TAB2: variants seen among roughly 807,000 people sequenced by gnomAD.
TAB2 encodes the protein TGF-beta activated kinase 1 (MAP3K7) binding protein 2.
Under a neutral mutation model 65.0 loss-of-function variants are expected in TAB2, and 3 were observed. The observed-to-expected ratio is 0.05, with a 90% confidence interval of 0.02 to 0.12. The LOEUF (loss-of-function observed/expected upper bound fraction) is 0.12. Ranked by LOEUF, TAB2 falls within the 10% of genes least tolerant of loss-of-function variation. The pLI, the probability that TAB2 is intolerant of heterozygous loss-of-function variation, is 1.00. For synonymous variants in TAB2, 298 were observed against 285.1 expected (o/e 1.05, Z -0.46); for missense variants, 623 against 840.3 (o/e 0.74, Z 3.20).
chr6:149,356,384 A>G (rs1382225706), intron 1 of TAB2, among the ~76,000 whole-genome samples: 3 of 152,218 alleles, frequency 2.0e-5, no homozygotes, highest in African/African-American at 2.4e-5. Context: ...TAAGATGATA[A>G]TCTTAGTTTA....
chr6:149,287,049 A>C (rs886267656), intron 1 of TAB2, among the ~76,000 whole-genome samples: 3 of 152,172 alleles, frequency 2.0e-5, no homozygotes, highest in Non-Finnish European at 4.4e-5. Flanking sequence ...CTCCGGAGGA[A>C]GAGTTTGCAG....
chr6:149,239,777 G>T (rs980234311), intron 1 of TAB2, among the ~76,000 whole-genome samples: 9 of 152,264 alleles, frequency 5.9e-5, no homozygotes, highest in South Asian at 2.1e-4. Flanking sequence ...ACCTATATGT[G>T]CCAGACACTG....
rs1778991115 is a variant in TAB2, at chr6:149,302,686, C to T, written c.-120-75332C>T. On this transcript the variant is annotated intron_variant, in intron 1 of 1. Coordinates refer to the TAB2 transcript ENST00000606202. ...GCTGAACTTTCTCTGCACTACATGG[C>T]AGTCTAGGATATTACCACTCACCTT... Among the ~76,000 whole-genome samples, 3 of 152,336 alleles carry T rather than the reference C, an allele frequency of 2.0e-5. No individual in the cohort carries two copies. In the Middle Eastern group the frequency reaches 0.01, roughly 518 times the overall value.
At chr6:149,317,291 C>A (rs1239255353), upstream of TAB2, among the ~76,000 whole-genome samples, 1 of 152,072 alleles carries the variant, frequency 6.6e-6, no homozygotes, top group Admixed American at 6.5e-5. The surrounding 1 kb of genome is among the most constrained non-coding windows in gnomAD (Gnocchi z 4.7). Context: ...CGCACCGGCA[C>A]CCCCCTCGCA....
chr6:149,307,611 T>C (rs1016039449), intron 1 of TAB2, among the ~76,000 whole-genome samples: 1 of 152,068 alleles, frequency 6.6e-6, no homozygotes, highest in African/African-American at 2.4e-5. Flanking sequence ...TATTTTATTA[T>C]TTACAAAGGT....
chr6:149,400,116 G>T, intron 6 of TAB2: 1 of 461,930 alleles, frequency 2.2e-6, no homozygotes, highest in Non-Finnish European at 3.8e-6. Context: ...TCACTTATTA[G>T]TAATTACCTT....
intron 5 of TAB2, among the ~76,000 whole-genome samples, chr6:149,398,581 C>T (rs1230509397): frequency 1.3e-5 from 2 of 152,036 alleles, no homozygotes; most frequent in African/African-American, 4.8e-5. Flanking sequence ...GTTGATTAAG[C>T]TATTTATCTT....
intron 1 of TAB2, among the ~76,000 whole-genome samples, chr6:149,332,090 G>A (rs973254694): frequency 6.6e-6 from 1 of 152,166 alleles, no homozygotes; most frequent in Admixed American, 6.6e-5. Context: ...CAAGCAATTG[G>A]AAGTATGGAG....
intron 1 of TAB2, among the ~76,000 whole-genome samples, chr6:149,301,974 A>G (rs1284835506): frequency 6.6e-6 from 1 of 152,154 alleles, no homozygotes; most frequent in Non-Finnish European, 1.5e-5. Flanking sequence ...GTGAAGAGTT[A>G]TTATAAAATT....
intron 1 of TAB2, among the ~76,000 whole-genome samples, chr6:149,348,572 A>G (rs947463678): frequency 6.6e-6 from 1 of 151,948 alleles, no homozygotes; most frequent in African/African-American, 2.4e-5. Context: ...AAATATCACC[A>G]TGCTATGCAA....
chr6:149,237,668 T>C (rs1439644284), intron 1 of TAB2, among the ~76,000 whole-genome samples: 1 of 152,168 alleles, frequency 6.6e-6, no homozygotes, highest in Non-Finnish European at 1.5e-5. Flanking sequence ...TGGCAGCTAC[T>C]ACTTCCTAGA....
chr6:149,288,009 T>C (rs1348772926), intron 1 of TAB2, among the ~76,000 whole-genome samples: 1 of 152,216 alleles, frequency 6.6e-6, no homozygotes, highest in Non-Finnish European at 1.5e-5. Context: ...TAAATTACGC[T>C]TATGATTTGT....
Position 149,379,511 on chromosome 6 carries a change from C to T in TAB2, c.1596C>T (p.Tyr532=). 2 of 1,614,082 alleles carry T rather than the reference C, an allele frequency of 1.2e-6. No homozygotes were observed. Among genetic ancestry groups the T allele is most frequent in the Non-Finnish European group, 1.7e-6 (2 of 1,179,986 alleles). The part of the protein sequence containing the change: ...KLSMGSDDAA[Y]TQALLVHQKA... ...GTATGGGATCTGATGATGCTGCCTA[C>T]ACACAAGGTAATATGAATACTAAAG... Residue 532 remains tyrosine, a synonymous_variant, in exon 3 of 7, where the codon TAC becomes TAT. Transcript: ENST00000637181.
At chr6:149,374,696 C>T (rs1333579045) in intron 2 of TAB2, among the ~76,000 whole-genome samples, 3 of 152,232 alleles carry the variant, frequency 2.0e-5, no homozygotes, top group Non-Finnish European at 4.4e-5. Context: ...ATTGCTGTGT[C>T]TCCTTGTATG....
chr6:149,262,888 C>T (rs1403954537), intron 1 of TAB2, among the ~76,000 whole-genome samples: 1 of 152,074 alleles, frequency 6.6e-6, no homozygotes, highest in Non-Finnish European at 1.5e-5. Flanking sequence ...ACTGTGACCT[C>T]AAACTCCTGG....
At chr6:149,280,042 A>C (rs1778544818) in intron 1 of TAB2, among the ~76,000 whole-genome samples, 2 of 152,150 alleles carry the variant, frequency 1.3e-5, no homozygotes, top group Admixed American at 1.3e-4. Flanking sequence ...ATTATTGTAC[A>C]TCTTACCTAA....
Position 149,369,978 on chromosome 6 carries a change from C to A in TAB2, c.-20C>A. ...TAGAATTGCCTACTGTACAAATAGT[C>A]CTGATCAGGCAATATACGAATGGCC... On this transcript the variant is annotated 5_prime_UTR_variant, in exon 2 of 7. Transcript: ENST00000637181. 6.3e-7 allele frequency: 1 copy of A among 1,595,662 alleles called. No homozygotes were observed. The highest frequency in any genetic ancestry group is 8.6e-7 in the Non-Finnish European group (1 of 1,163,250).
chr6:149,275,120 C>CTGTT lies in TAB2; in HGVS notation c.-121+56345_-121+56346insGTTT, dbSNP rs199786561. ...TCATTTCCCTAATTTTTTTTCTCTT[C>CTGTT]TTCTGTTTTTTTTTTTTTTTTTTGA... is the stretch of plus-strand genomic sequence containing the variant. On this transcript the variant is annotated intron_variant, in intron 1 of 1. Transcript: ENST00000606202. Among the ~76,000 whole-genome samples the CTGTT allele has an allele frequency of 8.4e-5, 8 of 94,678 alleles. 1 individual carries two copies. Among genetic ancestry groups the CTGTT allele is most frequent in the East Asian group, 3.5e-4 (1 of 2,884 alleles). 62.1% of individuals were successfully genotyped at this position (94,678 alleles called of 152,430 possible). A position where few individuals can be genotyped will look rare whatever the true frequency, so the allele number is the denominator to read the frequency against.
intron 1 of TAB2, among the ~76,000 whole-genome samples, chr6:149,256,208 A>G (rs1583050361): frequency 6.6e-6 from 1 of 152,230 alleles, no homozygotes; most frequent in Admixed American, 6.5e-5. Context: ...ACAATACAAT[A>G]ATTCATCTTA....
Sources: allele counts gnomAD v4.1 joint callset (sites outside exome capture counted in the v4.1 genomes callset), GRCh38; gene constraint gnomAD v4.1.1; non-coding constraint Gnocchi (gnomAD v3.1); transcripts MANE v1.5; gene names NCBI Gene and HGNC (gene_info 2026-07-23, HGNC 2026-07-21).